TNRC6B: variants seen among roughly 807,000 people sequenced by gnomAD.
TNRC6B encodes trinucleotide repeat containing adaptor 6B.
TNRC6B carries 52 observed loss-of-function variants against 203.6 expected under a neutral mutation model. The ratio of observed to expected loss-of-function variants is 0.26; its 90% CI spans 0.20 to 0.32. TNRC6B has a LOEUF of 0.32. TNRC6B is among the 10% of genes least tolerant of loss of function. The pLI is 1.00. For synonymous variants in TNRC6B, 838 were observed against 845.7 expected (o/e 0.99, Z 0.16); for missense variants, 1,923 against 2,286.2 (o/e 0.84, Z 3.24).
chr22:40,103,101 ATAAAT>A (rs2068253862), intron 1 of TNRC6B, among the ~76,000 whole-genome samples: 1 of 151,102 alleles, frequency 6.6e-6, no homozygotes, highest in Non-Finnish European at 1.5e-5. Flanking sequence ...AAATAAATAA[ATAAAT>A]TAATTAATTA....
chr22:40,051,813 T>C (rs1051655946), intron 1 of TNRC6B, among the ~76,000 whole-genome samples: 1 of 152,256 alleles, frequency 6.6e-6, no homozygotes, highest in African/African-American at 2.4e-5. Flanking sequence ...TATAGCATTT[T>C]ATTGACTTCA....
intron 1 of TNRC6B, among the ~76,000 whole-genome samples, chr22:40,244,047 T>C (rs1163350577): frequency 6.6e-6 from 1 of 151,948 alleles, no homozygotes; most frequent in Non-Finnish European, 1.5e-5. Flanking sequence ...CACTGTAAAA[T>C]GTGGAAGCCA....
intron 1 of TNRC6B, among the ~76,000 whole-genome samples, chr22:40,241,404 GGTT>G (rs1161834208): frequency 1.3e-5 from 2 of 152,158 alleles, no homozygotes; most frequent in African/African-American, 2.4e-5. Flanking sequence ...CATTGCATTT[GGTT>G]GTTAGGTCTT....
chr22:40,219,954 A>G (rs566956045), intron 1 of TNRC6B, among the ~76,000 whole-genome samples: 58 of 152,318 alleles, frequency 3.8e-4, no homozygotes, highest in African/African-American at 1.3e-3. Flanking sequence ...AGCGTGGCCT[A>G]TGGAGGACAC....
chr22:40,217,345 G>A (rs906846382), intron 1 of TNRC6B, among the ~76,000 whole-genome samples: 2 of 152,176 alleles, frequency 1.3e-5, no homozygotes, highest in Non-Finnish European at 2.9e-5. Flanking sequence ...CTGACATTGT[G>A]TAGCCCAGTT....
intron 10 of TNRC6B, among the ~76,000 whole-genome samples, chr22:40,280,865 A>G (rs1460267824): frequency 6.6e-6 from 1 of 152,204 alleles, no homozygotes; most frequent in Non-Finnish European, 1.5e-5. Flanking sequence ...GTGTCTGGCA[A>G]TTTTTATTGT....
chr22:40,142,293 C>CA (rs1312694634), intron 3 of TNRC6B, among the ~76,000 whole-genome samples: 1 of 151,254 alleles, frequency 6.6e-6, no homozygotes, highest in Non-Finnish European at 1.5e-5. Flanking sequence ...AACTCCTGGC[C>CA]TCAAGTGATC....
chr22:40,104,127 T>A (rs1164420674), intron 1 of TNRC6B, among the ~76,000 whole-genome samples: 1 of 152,012 alleles, frequency 6.6e-6, no homozygotes, highest in East Asian at 2.0e-4. Context: ...GGCGGGTGCC[T>A]ATAATCCTAA....
Position 40,285,656 on chromosome 22 carries a change from T to A in TNRC6B, c.3594T>A (p.His1198Gln), listed in dbSNP as rs778460292. Residue 1198 changes from histidine to glutamine, a missense_variant, in exon 12 of 23, where the codon CAT (histidine) becomes CAA (glutamine). Physicochemically the swap from His to Gln is conservative, Grantham distance 24 (BLOSUM62 0). Coordinates refer to ENST00000454349, the MANE Select transcript of TNRC6B (RefSeq NM_001162501.2). ...QNFAARQGGSHGLFGNSTAQS... is the reference protein window; with the variant it reads ...QNFAARQGGSQGLFGNSTAQS... ...TTTTCTGTTTACAGGGCGGTAGTCA[T>A]GGTTTGTTTGGAAACAGCACAGCAC... 1 of 1,612,632 alleles carries A rather than the reference T, an allele frequency of 6.2e-7. No homozygotes were observed. Among genetic ancestry groups the A allele is most frequent in the Non-Finnish European group, 8.5e-7 (1 of 1,179,662 alleles).
intron 1 of TNRC6B, among the ~76,000 whole-genome samples, chr22:40,116,169 G>C (rs2068385837): frequency 1.3e-5 from 2 of 152,262 alleles, no homozygotes; most frequent in East Asian, 3.9e-4. Context: ...ACGCTGTCTT[G>C]GACAGAAGTA....
chr22:40,264,344 G>A (rs2070438272), intron 4 of TNRC6B, among the ~76,000 whole-genome samples: 2 of 152,210 alleles, frequency 1.3e-5, no homozygotes, highest in Non-Finnish European at 2.9e-5. Context: ...GCTTTAGAAA[G>A]ATTGCTCCAG....
intron 1 of TNRC6B, among the ~76,000 whole-genome samples, chr22:40,073,708 G>A (rs1330768103): frequency 6.6e-6 from 1 of 152,012 alleles, no homozygotes; most frequent in Non-Finnish European, 1.5e-5. Context: ...AAGGCAAGGA[G>A]TTCGAGACCA....
intron 1 of TNRC6B, among the ~76,000 whole-genome samples, chr22:40,242,535 A>G (rs2070045627): frequency 6.6e-6 from 1 of 151,250 alleles, no homozygotes. Context: ...GGTTCAAGCG[A>G]TTGTCCTGCC....
intron 1 of TNRC6B, among the ~76,000 whole-genome samples, chr22:40,089,192 G>A (rs2068127086): frequency 6.6e-6 from 1 of 152,016 alleles, no homozygotes; most frequent in African/African-American, 2.4e-5. Flanking sequence ...TAAAATAAAA[G>A]AGGTTAAATA....
Position 40,333,373 on chromosome 22 carries a change from A to G in TNRC6B, c.*10132A>G, listed in dbSNP as rs1046850821. 2.6e-5 allele frequency: 4 copies of G among 152,590 alleles called. No homozygotes were observed. Among genetic ancestry groups the G allele is most frequent in the African/African-American group, 9.7e-5 (4 of 41,408 alleles). 9.5% of individuals were successfully genotyped at this position (152,590 alleles called of 1,614,324 possible). A position where few individuals can be genotyped will look rare whatever the true frequency, so the allele number is the denominator to read the frequency against. Reference sequence around the variant, plus strand: ...ATAAACAAAAGACACACACACACACAAAAACCCTGTCTTAAATAGCTGCCA... The same window carrying G: ...ATAAACAAAAGACACACACACACACGAAAACCCTGTCTTAAATAGCTGCCA... On this transcript the variant is annotated 3_prime_UTR_variant, in exon 23 of 23. Coordinates refer to ENST00000454349, the MANE Select transcript of TNRC6B (RefSeq NM_001162501.2).
rs530361383 is a variant in TNRC6B, at chr22:40,301,583, T to G, written c.4120+250T>G. On this transcript the variant is annotated intron_variant, in intron 15 of 22. Coordinates refer to ENST00000454349, the MANE Select transcript of TNRC6B (RefSeq NM_001162501.2). ...CTGGCTCCAAAGCAGTCTTCCTTTTTTTTGTGTGTGTGTGTGTGTCTGGTT... is the reference window on the plus strand; with the variant it reads ...CTGGCTCCAAAGCAGTCTTCCTTTTGTTTGTGTGTGTGTGTGTGTCTGGTT... The G allele has an allele frequency of 2.0e-3, 982 of 503,148 alleles. 6 individuals carry two copies. Among genetic ancestry groups the G allele is most frequent in the East Asian group, 4.1e-3 (122 of 29,856 alleles). 31.2% of individuals were successfully genotyped at this position (503,148 alleles called of 1,614,324 possible). A position where few individuals can be genotyped will look rare whatever the true frequency, so the allele number is the denominator to read the frequency against.
chr22:40,235,522 C>T (rs1465900116), intron 1 of TNRC6B, among the ~76,000 whole-genome samples: 2 of 152,180 alleles, frequency 1.3e-5, no homozygotes, highest in East Asian at 3.8e-4. Flanking sequence ...TAGCATAAAT[C>T]ACATCCCCAT....
rs532830467 is a variant in TNRC6B, at chr22:40,080,202, CA to C, written c.-121+35207del. On this transcript the variant is annotated intron_variant, in intron 1 of 23. Transcript: ENST00000301923. ...AAGTGATCCTCCCACCTCAGCCTCC[CA>C]AAGTGCTGGGATTGCAGGCATGAGC... Among the ~76,000 whole-genome samples, 20 of 151,610 alleles carry C rather than the reference CA, an allele frequency of 1.3e-4. No individual in the cohort carries two copies. In the East Asian group the frequency reaches 2.7e-3, roughly 21 times the overall value.
rs905175970 is a variant in TNRC6B at position 40,068,329 on chromosome 22, G to GT, written c.-121+23337dup. On this transcript the variant is annotated intron_variant, in intron 1 of 23. Coordinates refer to the TNRC6B transcript ENST00000301923. Reference sequence around the variant, plus strand: ...GTGGTTTGTTCTTTTGTTTTGTTTTGTTTTTTGAGATGGAGTCTTACTCTG... The same window carrying GT: ...GTGGTTTGTTCTTTTGTTTTGTTTTGTTTTTTTGAGATGGAGTCTTACTCTG... Among the ~76,000 whole-genome samples the GT allele has an allele frequency of 2.6e-5, 4 of 152,034 alleles. 1 individual carries two copies. The highest frequency in any genetic ancestry group is 4.1e-4 in the South Asian group (2 of 4,824).
Sources: allele counts gnomAD v4.1 joint callset (sites outside exome capture counted in the v4.1 genomes callset), GRCh38; gene constraint gnomAD v4.1.1; transcripts MANE v1.5; gene names NCBI Gene and HGNC (gene_info 2026-07-23, HGNC 2026-07-21).